Variants in TNNI3K observed in about 807,000 individuals in gnomAD.
The protein encoded by TNNI3K is serine/threonine-protein kinase TNNI3K.
TNNI3K carries 140 observed loss-of-function variants against 114.5 expected under a neutral mutation model. That is an observed-to-expected ratio of 1.22 (90% CI 1.07 to 1.41). The LOEUF (loss-of-function observed/expected upper bound fraction) is 1.41. Ranked by LOEUF, TNNI3K falls within the 40% of genes most tolerant of loss-of-function variation. The probability of loss-of-function intolerance (pLI) is 0.00; values close to 1 mark genes in which losing one functional copy is unlikely to be tolerated. For synonymous variants in TNNI3K, 347 were observed against 347.5 expected (o/e 1.00, Z 0.02); for missense variants, 1,125 against 1,007.6 (o/e 1.12, Z -1.58).
At chr1:74,361,923 A>T (rs1661989620) in intron 11 of TNNI3K, among the ~76,000 whole-genome samples, 1 of 152,142 alleles carries the variant, frequency 6.6e-6, no homozygotes, top group Admixed American at 6.6e-5. Flanking sequence ...ATGCCTGTGG[A>T]TTCTTCTCTT....
chr1:74,534,909 G>A (rs1049689158), intron 23 of TNNI3K, among the ~76,000 whole-genome samples: 1 of 152,106 alleles, frequency 6.6e-6, no homozygotes, highest in East Asian at 1.9e-4. Flanking sequence ...TAAATGCAAT[G>A]GTTCCTTCAG....
intron 23 of TNNI3K, 59 bp downstream of exon 23, chr1:74,492,325 C>G: frequency 7.1e-7 from 1 of 1,400,480 alleles, no homozygotes; most frequent in Non-Finnish European, 9.4e-7. Context: ...CTTATCAAGA[C>G]AGTCAACTGA....
intron 5 of TNNI3K, among the ~76,000 whole-genome samples, chr1:74,286,485 G>C (rs531428283): frequency 1.3e-5 from 2 of 152,158 alleles, no homozygotes; most frequent in East Asian, 1.9e-4. Context: ...CTAGGGACTA[G>C]AGTTCATGTA....
intron 21 of TNNI3K, chr1:74,470,427 CA>C: frequency 2.5e-6 from 1 of 400,654 alleles, no homozygotes; most frequent in Non-Finnish European, 4.4e-6. Flanking sequence ...CATTTCTGGG[CA>C]ATGCATTTGT....
intron 17 of TNNI3K, among the ~76,000 whole-genome samples, chr1:74,396,985 GAA>G (rs997638089): frequency 1.3e-5 from 2 of 152,188 alleles, no homozygotes; most frequent in African/African-American, 4.8e-5. Context: ...GGGAAGCTCA[GAA>G]GGTTTTTGTA....
Position 74,400,936 on chromosome 1 carries a change from G to A in TNNI3K, c.1772+30544G>A, listed in dbSNP as rs557193542. ...CATAAGATTCCTGAGAATCCACATG[G>A]CCACCAAATAATTTTAAGTCTAAGA... On this transcript the variant is annotated intron_variant, in intron 17 of 24. Transcript: ENST00000326637. Among the ~76,000 whole-genome samples the A allele has an allele frequency of 3.0e-4, 45 of 152,280 alleles. No homozygotes were observed. The South Asian group carries it at 3.1e-3, about 11-fold the overall frequency.
rs770319178 is a variant in TNNI3K at position 74,365,950 on chromosome 1, C to CT, written c.1178-1293dup. Among the ~76,000 whole-genome samples the CT allele has an allele frequency of 2.0e-3, 289 of 143,514 alleles. 2 individuals are homozygous for CT. Among genetic ancestry groups the CT allele is most frequent in the Non-Finnish European group, 9.8e-4 (64 of 65,214 alleles). 94.2% of individuals were successfully genotyped at this position (143,514 alleles called of 152,430 possible). ...AGTTTTAGCAATTGTAATCACAATG[C>CT]TTTTTTTTTTTTTCCTCGAAGAATC... is the stretch of plus-strand genomic sequence containing the variant. On this transcript the variant is annotated intron_variant, in intron 11 of 24. Coordinates refer to ENST00000326637, the MANE Select transcript of TNNI3K (RefSeq NM_015978.3).
chr1:74,274,664 G>C (rs1329053361), intron 5 of TNNI3K, among the ~76,000 whole-genome samples: 1 of 152,046 alleles, frequency 6.6e-6, no homozygotes, highest in Non-Finnish European at 1.5e-5. Context: ...GGATGGATGA[G>C]AGTAGGTTTG....
chr1:74,489,433 C>T (rs1668934445), intron 22 of TNNI3K, among the ~76,000 whole-genome samples, 185 bp downstream of exon 22: 1 of 152,160 alleles, frequency 6.6e-6, no homozygotes. Flanking sequence ...GGGACAAAGG[C>T]AAAGTCAGAG....
rs200058767 is a variant in TNNI3K, at chr1:74,353,252, G to T, written c.933-14G>T. The T allele has an allele frequency of 1.1e-4, 151 of 1,416,604 alleles. No homozygotes were observed. The highest frequency in any genetic ancestry group is 8.0e-4 in the South Asian group (61 of 76,276). 87.8% of individuals were successfully genotyped at this position (1,416,604 alleles called of 1,614,324 possible). A position where few individuals can be genotyped will look rare whatever the true frequency, so the allele number is the denominator to read the frequency against. ...GACCTTCTATCTTTCTTGTTTTATGGTTTTTTTTTTCAGTGCTTGTACCTA... is the reference window on the plus strand; with the variant it reads ...GACCTTCTATCTTTCTTGTTTTATGTTTTTTTTTTTCAGTGCTTGTACCTA... On this transcript the variant is annotated splice_polypyrimidine_tract_variant and intron_variant, in intron 9 of 24. Transcript: ENST00000326637.
At chr1:74,429,724 G>A (rs573342333) in intron 17 of TNNI3K, among the ~76,000 whole-genome samples, 1 of 152,116 alleles carries the variant, frequency 6.6e-6, no homozygotes, top group Non-Finnish European at 1.5e-5. Context: ...TCAGGCAGAT[G>A]TGTTTGTAAA....
At chr1:74,464,157 T>A (rs894146039) in intron 21 of TNNI3K, among the ~76,000 whole-genome samples, 3 of 152,200 alleles carry the variant, frequency 2.0e-5, no homozygotes, top group Admixed American at 6.5e-5. Flanking sequence ...TATCACAGAA[T>A]GAAATTCCAA....
chr1:74,451,743 C>CTTTCTTTCT (rs1667032424), intron 20 of TNNI3K, among the ~76,000 whole-genome samples: 4 of 45,124 alleles, frequency 8.9e-5, no homozygotes, highest in Non-Finnish European at 1.9e-4. Flanking sequence ...TTCTTTCTTT[C>CTTTCTTTCT]TTTCTTTTCT....
At chr1:74,250,867 A>C in intron 4 of TNNI3K, 98 bp downstream of exon 4, 2 of 1,154,066 alleles carry the variant, frequency 1.7e-6, no homozygotes, top group Non-Finnish European at 2.3e-6. Context: ...AATCATGGAA[A>C]ATTTTCAGTG....
intron 9 of TNNI3K, among the ~76,000 whole-genome samples, chr1:74,347,928 T>G (rs1661107936): frequency 6.6e-6 from 1 of 152,218 alleles, no homozygotes; most frequent in Non-Finnish European, 1.5e-5. Flanking sequence ...TTGCAAAAAT[T>G]TTCTCCCATT....
At chr1:74,415,662 C>T (rs962085505) in intron 17 of TNNI3K, among the ~76,000 whole-genome samples, 12 of 150,656 alleles carry the variant, frequency 8.0e-5, no homozygotes, top group African/African-American at 2.4e-4. Flanking sequence ...CTTTATTGAC[C>T]TTTATGCTTT....
At chr1:74,359,436 G>A (rs111635162) in intron 11 of TNNI3K, among the ~76,000 whole-genome samples, 8 of 151,806 alleles carry the variant, frequency 5.3e-5, no homozygotes, top group Admixed American at 3.3e-4. Flanking sequence ...ATAGGAATCC[G>A]CTATAAACCC....
At chr1:74,340,688 G>C (rs767198616) in intron 7 of TNNI3K, among the ~76,000 whole-genome samples, 3 of 152,148 alleles carry the variant, frequency 2.0e-5, no homozygotes, top group Non-Finnish European at 4.4e-5. Context: ...TAAATTAATA[G>C]AAGATTGCAC....
intron 21 of TNNI3K, among the ~76,000 whole-genome samples, chr1:74,474,801 G>C (rs956213251): frequency 2.4e-4 from 37 of 152,108 alleles, no homozygotes; most frequent in African/African-American, 8.9e-4. Flanking sequence ...TATCATCCCT[G>C]ACAGCTCAGC....
Sources: gnomAD v4.1 joint callset for allele counts (sites outside exome capture counted in the v4.1 genomes callset) on GRCh38, gnomAD v4.1.1 for gene constraint, MANE v1.5 for transcripts, NCBI Gene and HGNC (gene_info 2026-07-23, HGNC 2026-07-21) for gene names.